SOS1: variants seen among roughly 807,000 people sequenced by gnomAD.
SOS1 encodes SOS Ras/Rac guanine nucleotide exchange factor 1.
A neutral mutation model predicts 157.6 loss-of-function variants in SOS1; 25 were observed. The observed-to-expected ratio is 0.16, with a 90% CI of 0.12 to 0.22. SOS1 has a LOEUF of 0.22. Ranked by LOEUF, SOS1 falls within the 10% of genes least tolerant of loss-of-function variation. The pLI, the probability that SOS1 is intolerant of heterozygous loss-of-function variation, is 1.00. For synonymous variants in SOS1, 528 were observed against 534.0 expected, an observed-to-expected ratio of 0.99 and a Z score of 0.16; for missense variants, 1,237 against 1,599.1, an observed-to-expected ratio of 0.77 and a Z score of 3.86.
At chr2:39,094,168 CTCTTTT>C (rs1321559634) in intron 1 of SOS1, among the ~76,000 whole-genome samples, 3 of 151,806 alleles carry the variant, frequency 2.0e-5, no homozygotes, top group African/African-American at 4.8e-5. Flanking sequence ...AAACAGTTTT[CTCTTTT>C]TCTTTTTTCT....
intron 1 of SOS1, among the ~76,000 whole-genome samples, chr2:39,111,293 G>C (rs559659057): frequency 2.1e-4 from 32 of 152,092 alleles, no homozygotes; most frequent in Non-Finnish European, 4.1e-4. Context: ...GCATGCCATA[G>C]AGCAAACATA....
At position 39,045,036 on chromosome 2, in the gene SOS1, T is replaced by C. The variant is rs547521612; in HGVS notation, c.864+6108A>G. The stretch of plus-strand genomic sequence containing the variant: ...CTTCTATCTAATATAATGTACGTTA[T>C]GTAAAGAGTTGTTATACTTTATTGT... On this transcript the variant is annotated intron_variant, in intron 6 of 22. Coordinates refer to ENST00000402219, the MANE Select transcript of SOS1 (RefSeq NM_005633.4). Among the ~76,000 whole-genome samples the C allele has an allele frequency of 1.5e-4, 23 of 152,338 alleles. No homozygotes were observed. In the East Asian group the frequency reaches 1.9e-3, roughly 13 times the overall value.
At chr2:39,051,475 A>G (rs1299261297) in intron 5 of SOS1, 188 bp from the exon 6 acceptor site, 3 of 563,614 alleles carry the variant, frequency 5.3e-6, no homozygotes, top group Admixed American at 5.8e-5. Context: ...ACAATTTGCA[A>G]ATACATTTCT....
chr2:39,047,859 G>T (rs868065504), intron 6 of SOS1, among the ~76,000 whole-genome samples: 1 of 152,066 alleles, frequency 6.6e-6, no homozygotes, highest in Non-Finnish European at 1.5e-5. Flanking sequence ...ATAGAGACAG[G>T]GTTTCACCAT....
chr2:39,072,830 A>T (rs995701898), intron 1 of SOS1, among the ~76,000 whole-genome samples: 1 of 152,172 alleles, frequency 6.6e-6, no homozygotes. Context: ...AAACTCATCC[A>T]TGTATTTAAG....
rs188667205 is a variant in SOS1 at position 39,039,120 on chromosome 2, A to C, written c.865-3620T>G. On this transcript the variant is annotated intron_variant, in intron 6 of 22. Coordinates refer to ENST00000402219, the MANE Select transcript of SOS1 (RefSeq NM_005633.4). ...TAGCATTTTCTTAGCTGTATTTCTAAATCTAGGTATATATGTTGTTTTAGA... is the reference window on the plus strand; with the variant it reads ...TAGCATTTTCTTAGCTGTATTTCTACATCTAGGTATATATGTTGTTTTAGA... 2.6e-4 allele frequency among the ~76,000 whole-genome samples: 40 copies of C among 152,342 alleles called. No homozygotes were observed. In the East Asian group the frequency reaches 5.0e-3, roughly 19 times the overall value.
intron 1 of SOS1, 117 bp downstream of exon 1, chr2:39,120,219 A>T: frequency 1.1e-6 from 1 of 901,570 alleles, no homozygotes; most frequent in Non-Finnish European, 1.5e-6. Flanking sequence ...GTCCTTTTGG[A>T]GACGCGGCGA....
intron 1 of SOS1, among the ~76,000 whole-genome samples, chr2:39,090,010 C>A (rs1000616174): frequency 6.7e-6 from 1 of 150,270 alleles, no homozygotes; most frequent in Non-Finnish European, 1.5e-5. Flanking sequence ...CATGGTGGCA[C>A]ACGCTTGTAA....
rs1175022299 is a variant in SOS1 at position 39,084,463 on chromosome 2, C to T, written c.88-16710G>A. On this transcript the variant is annotated intron_variant, in intron 1 of 22. Transcript: ENST00000402219. Reference sequence around the variant, plus strand: ...TATGGAAGAATATAACCTTTGTTGTCAACATGGGTTATAAATGGTCCTGGG... The same window carrying T: ...TATGGAAGAATATAACCTTTGTTGTTAACATGGGTTATAAATGGTCCTGGG... 2.6e-5 allele frequency among the ~76,000 whole-genome samples: 4 copies of T among 151,688 alleles called. No homozygotes were observed. The East Asian group carries it at 7.8e-4, about 29-fold the overall frequency.
chr2:39,075,857 G>A (rs990361758), intron 1 of SOS1, among the ~76,000 whole-genome samples: 1 of 151,908 alleles, frequency 6.6e-6, no homozygotes, highest in African/African-American at 2.4e-5. Flanking sequence ...TAGGTAAAGT[G>A]AACAAATTCC....
intron 1 of SOS1, among the ~76,000 whole-genome samples, chr2:39,071,060 G>T (rs1487923224): frequency 6.6e-6 from 1 of 151,970 alleles, no homozygotes; most frequent in Non-Finnish European, 1.5e-5. Flanking sequence ...TAGAGACCGG[G>T]TTTTACCATG....
At chr2:39,020,687 T>TG (rs1318363059) in intron 10 of SOS1, among the ~76,000 whole-genome samples, 1 of 151,718 alleles carries the variant, frequency 6.6e-6, no homozygotes, top group Non-Finnish European at 1.5e-5. Flanking sequence ...AGTTCACAGA[T>TG]GGTCTATTAA....
At chr2:39,122,014 G>C (rs1340159254), upstream of SOS1, among the ~76,000 whole-genome samples, 2 of 152,186 alleles carry the variant, frequency 1.3e-5, no homozygotes, top group African/African-American at 4.8e-5. Context: ...CTGACATTGT[G>C]TCCTGCTATT....
At chr2:39,006,295 T>C (rs1426600787) in intron 17 of SOS1, 117 bp downstream of exon 17, 7 of 748,356 alleles carry the variant, frequency 9.4e-6, no homozygotes, top group Admixed American at 3.7e-5. Flanking sequence ...GTGCTAAATA[T>C]TGATCAAACA....
intron 22 of SOS1, 45 bp downstream of exon 22, chr2:38,987,428 A>G (rs1219771757): frequency 1.0e-6 from 1 of 962,176 alleles, no homozygotes; most frequent in East Asian, 2.4e-5. Flanking sequence ...ATTATAATGA[A>G]CTGTAATGAT....
intron 1 of SOS1, among the ~76,000 whole-genome samples, chr2:39,085,954 G>C (rs1342506752): frequency 6.6e-6 from 1 of 152,194 alleles, no homozygotes; most frequent in South Asian, 2.1e-4. Flanking sequence ...AAGAGGCAGA[G>C]TAGTAAAAAG....
At chr2:39,088,264 G>A (rs1044528968) in intron 1 of SOS1, among the ~76,000 whole-genome samples, 5 of 146,134 alleles carry the variant, frequency 3.4e-5, no homozygotes, top group African/African-American at 1.0e-4. Context: ...TTCTGGGCCC[G>A]ACCACTAGAA....
chr2:39,017,002 G>T (rs1483642822), intron 10 of SOS1, among the ~76,000 whole-genome samples: 2 of 152,114 alleles, frequency 1.3e-5, no homozygotes, highest in Non-Finnish European at 2.9e-5. Context: ...GGAAAGCCAT[G>T]ATGTGTCTCA....
chr2:39,013,966 G>A lies in SOS1; in HGVS notation c.1964C>T (p.Pro655Leu), dbSNP rs56219475. Reference protein sequence around the residue: ...IERFEIPEPEPTEADRIAIEN... With the variant: ...IERFEIPEPELTEADRIAIEN... ...TATAGCTATGCGATCAGCTTCTGTT[G>A]GCTCAGGCTCTGGAATTTCAAACCT... Residue 655 changes from proline to leucine, a missense_variant, in exon 12 of 23, where the codon CCA becomes CTA. By Grantham distance (98) the Pro-to-Leu change is moderately conservative. This residue lies in a region of SOS1 where 55 missense variants were observed against 43.1 expected (regional missense o/e 1.27). Transcript: ENST00000402219. 8.5e-3 allele frequency: 13,651 copies of A among 1,604,842 alleles called. 85 individuals are homozygous for A. Among genetic ancestry groups the A allele is most frequent in the Non-Finnish European group, 0.01 (11,754 of 1,172,600 alleles).
Sources: gnomAD v4.1 joint callset for allele counts (sites outside exome capture counted in the v4.1 genomes callset) on GRCh38, gnomAD v4.1.1 for gene constraint, gnomAD v4.1.1 regional missense constraint, MANE v1.5 for transcripts, NCBI Gene and HGNC (gene_info 2026-07-23, HGNC 2026-07-21) for gene names.